ANKRD13A: variants seen among roughly 807,000 people sequenced by gnomAD.
ANKRD13A encodes ankyrin repeat domain-containing protein 13A.
Under a neutral mutation model 81.3 loss-of-function variants are expected in ANKRD13A, and 48 were observed. That is an observed-to-expected ratio of 0.59 (90% confidence interval 0.47 to 0.75). ANKRD13A has a LOEUF of 0.75. ANKRD13A is among the 30% of genes least tolerant of loss of function. The probability of loss-of-function intolerance (pLI) is 0.00; values close to 1 mark genes in which losing one functional copy is unlikely to be tolerated. For synonymous variants in ANKRD13A, 230 were observed against 270.1 expected (o/e 0.85, Z 1.45); for missense variants, 612 against 734.0 (o/e 0.83, Z 1.92).
At chr12:110,021,121 C>T (rs546178380) in intron 6 of ANKRD13A, 10 of 456,960 alleles carry the variant, frequency 2.2e-5, no homozygotes, top group South Asian at 7.7e-5. Context: ...TTTCAGAGTT[C>T]TCAAGCTAAC....
chr12:110,032,087 G>A (rs939055373), intron 12 of ANKRD13A, among the ~76,000 whole-genome samples: 1 of 152,108 alleles, frequency 6.6e-6, no homozygotes, highest in Non-Finnish European at 1.5e-5. Context: ...AGGACATCTA[G>A]TACAATGTTG....
chr12:110,033,049 CTTTT>C lies in ANKRD13A; in HGVS notation c.1349-746_1349-743del, dbSNP rs1389997543. Among the ~76,000 whole-genome samples the C allele has an allele frequency of 3.5e-5, 5 of 144,782 alleles. No homozygotes were observed. The East Asian group carries it at 6.0e-4, about 18-fold the overall frequency. 95.0% of individuals were successfully genotyped at this position (144,782 alleles called of 152,430 possible). A position where few individuals can be genotyped will look rare whatever the true frequency, so the allele number is the denominator to read the frequency against. On this transcript the variant is annotated intron_variant, in intron 12 of 14. Transcript: ENST00000261739. ...AGTATGGTATTGATAGTGTTTTTTT[CTTTT>C]TCTTTTTTTTTTTTTTTTTTGAGAC...
At chr12:110,028,431 A>G (rs1246224625) in intron 9 of ANKRD13A, 81 bp from the exon 10 acceptor site, 6 of 1,536,842 alleles carry the variant, frequency 3.9e-6, no homozygotes, top group Non-Finnish European at 5.3e-6. Flanking sequence ...TAACACGTCC[A>G]CCTCAGACAC....
chr12:110,037,815 A>G lies in ANKRD13A; in HGVS notation c.*261A>G, dbSNP rs1892157196. ...AGCATCATCACTTTCCATTAGCTGTATTGGCTTGCAGGTCACATTTTTACT... is the reference window on the plus strand; with the variant it reads ...AGCATCATCACTTTCCATTAGCTGTGTTGGCTTGCAGGTCACATTTTTACT... On this transcript the variant is annotated 3_prime_UTR_variant, in exon 15 of 15. Transcript: ENST00000261739. 1 of 329,084 alleles carries G rather than the reference A, an allele frequency of 3.0e-6. No individual in the cohort carries two copies. The allele number at this position is 329,084 out of a possible 1,614,324, so 20.4% of individuals were successfully genotyped here. A position where few individuals can be genotyped will look rare whatever the true frequency, so the allele number is the denominator to read the frequency against.
At chr12:110,001,322 AGCATTACTCCATTT>A (rs1421058661) in intron 1 of ANKRD13A, among the ~76,000 whole-genome samples, 1 of 151,714 alleles carries the variant, frequency 6.6e-6, no homozygotes, top group Non-Finnish European at 1.5e-5. Context: ...TGAGAAGGTT[AGCATTACTCCATTT>A]GGTGAATGGG....
chr12:110,024,511 C>A (rs1221332801), intron 7 of ANKRD13A, among the ~76,000 whole-genome samples: 1 of 152,144 alleles, frequency 6.6e-6, no homozygotes, highest in African/African-American at 2.4e-5. Flanking sequence ...TAATTGTAAT[C>A]AGCAGGCGCA....
At chr12:110,016,601 T>G (rs1227394332) in intron 4 of ANKRD13A, among the ~76,000 whole-genome samples, 168 bp downstream of exon 4, 1 of 152,176 alleles carries the variant, frequency 6.6e-6, no homozygotes, top group Non-Finnish European at 1.5e-5. Context: ...AACACAACTG[T>G]TAATGCTTTG....
chr12:110,016,018 C>A (rs1167184352), intron 3 of ANKRD13A, among the ~76,000 whole-genome samples: 2 of 148,394 alleles, frequency 1.3e-5, no homozygotes, highest in African/African-American at 2.5e-5. Flanking sequence ...GTGGTGCAAT[C>A]TTGGCTCTCT....
chr12:110,007,516 G>T (rs938523915), intron 1 of ANKRD13A, among the ~76,000 whole-genome samples: 1 of 152,050 alleles, frequency 6.6e-6, no homozygotes, highest in African/African-American at 2.4e-5. Context: ...AAGTAGCTGG[G>T]ATTACAGACA....
chr12:110,016,815 C>T (rs1226142101), intron 4 of ANKRD13A, among the ~76,000 whole-genome samples: 1 of 151,358 alleles, frequency 6.6e-6, no homozygotes, highest in South Asian at 2.1e-4. Context: ...CTCTGTTGTC[C>T]AGGCTGGAGT....
rs752451904 is a variant in ANKRD13A, at chr12:110,013,296, T to C, written c.354+47T>C. The stretch of plus-strand genomic sequence containing the variant: ...GGCCATAATCTGAGCTAAATGCTGA[T>C]ACAATTACTGGAGACACAGTTTGAC... On this transcript the variant is annotated intron_variant, in intron 3 of 14. Coordinates refer to ENST00000261739, the MANE Select transcript of ANKRD13A (RefSeq NM_033121.2). 3.7e-6 allele frequency: 6 copies of C among 1,609,032 alleles called. No individual in the cohort carries two copies. In the Admixed American group the frequency reaches 1.0e-4, roughly 27 times the overall value.
At chr12:110,021,730 T>C (rs1891092711) in intron 6 of ANKRD13A, 1 of 152,290 alleles carries the variant, frequency 6.6e-6, no homozygotes, top group Non-Finnish European at 1.5e-5. Flanking sequence ...CAGCCCCCTC[T>C]CTCATTTTTT....
Position 110,011,697 on chromosome 12 carries a change from T to A in ANKRD13A, c.97-308T>A, listed in dbSNP as rs564588317. ...CATTTCATGAAAGCTCCTGGCCTTA[T>A]TTAGACTTAATTTGAGTGCTGTTGA... is the stretch of plus-strand genomic sequence containing the variant. On this transcript the variant is annotated intron_variant, in intron 1 of 14. Transcript: ENST00000261739. Among the ~76,000 whole-genome samples the A allele has an allele frequency of 2.6e-5, 4 of 152,356 alleles. No individual in the cohort carries two copies. The South Asian group carries it at 8.3e-4, about 32-fold the overall frequency.
chr12:110,023,432 A>G (rs1891171581), intron 6 of ANKRD13A, among the ~76,000 whole-genome samples: 1 of 152,198 alleles, frequency 6.6e-6, no homozygotes, highest in South Asian at 2.1e-4. Context: ...GGCTAAAAAA[A>G]TCTGTTTTTC....
At position 110,018,877 on chromosome 12, in the gene ANKRD13A, A is replaced by G. The variant is rs1388064275; in HGVS notation, c.545-262A>G. 6.6e-6 allele frequency among the ~76,000 whole-genome samples: 1 copy of G among 152,240 alleles called. No individual in the cohort carries two copies. The highest frequency in any genetic ancestry group is 1.5e-5 in the Non-Finnish European group (1 of 68,048). On this transcript the variant is annotated intron_variant, in intron 5 of 14. Coordinates refer to ENST00000261739, the MANE Select transcript of ANKRD13A (RefSeq NM_033121.2). The surrounding 1 kb of genome is among the most constrained non-coding windows in gnomAD (Gnocchi z 4.4). ...ATATTTTATAAAGGACATTGATGGA[A>G]TATATTGCTAATAAGAATGCAGATT...
At chr12:110,032,913 T>C (rs527697386) in intron 12 of ANKRD13A, 2 of 152,342 alleles carry the variant, frequency 1.3e-5, no homozygotes, top group East Asian at 1.9e-4. Flanking sequence ...TAGGATGATA[T>C]ACATGTGGCA....
chr12:110,036,441 A>G lies in ANKRD13A; in HGVS notation c.1577+113A>G, dbSNP rs1892054067. 1 of 1,135,896 alleles carries G rather than the reference A, an allele frequency of 8.8e-7. No homozygotes were observed. The highest frequency in any genetic ancestry group is 1.2e-5 in the South Asian group (1 of 80,106). 70.4% of individuals were successfully genotyped at this position (1,135,896 alleles called of 1,614,324 possible). On this transcript the variant is annotated intron_variant, in intron 14 of 14. Coordinates refer to ENST00000261739, the MANE Select transcript of ANKRD13A (RefSeq NM_033121.2). The surrounding 1 kb of genome is among the most constrained non-coding windows in gnomAD (Gnocchi z 4.6). ...CCTCAGGCAGATGTACGGTGCCACA[A>G]ACTGGCAGGAAAGACTAGAAAAAGT...
At chr12:110,011,278 G>A (rs1216394406) in intron 1 of ANKRD13A, among the ~76,000 whole-genome samples, 1 of 152,198 alleles carries the variant, frequency 6.6e-6, no homozygotes, top group Non-Finnish European at 1.5e-5. Context: ...CAAAAGGGGG[G>A]CGAGAGTGGC....
chr12:110,028,930 G>T (rs940458012), intron 10 of ANKRD13A: 1 of 285,290 alleles, frequency 3.5e-6, no homozygotes, highest in South Asian at 3.5e-5. Context: ...TAGAGATAGG[G>T]TTTCACCATA....
Sources: gnomAD v4.1 joint callset for allele counts (sites outside exome capture counted in the v4.1 genomes callset) on GRCh38, gnomAD v4.1.1 for gene constraint, Gnocchi (gnomAD v3.1) non-coding constraint, MANE v1.5 for transcripts, NCBI Gene and HGNC (gene_info 2026-07-23, HGNC 2026-07-21) for gene names.